Variants in MEIKIN observed in about 807,000 individuals in gnomAD.
MEIKIN encodes meiosis-specific kinetochore protein.
chr5:131,865,522 A>C lies in MEIKIN; in HGVS notation c.775-10688T>G, dbSNP rs557025529. 6.0e-4 allele frequency among the ~76,000 whole-genome samples: 92 copies of C among 152,208 alleles called. 1 individual carries two copies. The highest frequency in any genetic ancestry group is 2.1e-3 in the African/African-American group (86 of 41,522). On this transcript the variant is annotated intron_variant, in intron 9 of 12. Transcript: ENST00000442687. ...GCATGAGCCACTGCACCCGGCCATG[A>C]ATTTCTTTTGTATTAGGATCTGTTG...
At chr5:131,904,090 T>C (rs1262628841) in intron 8 of MEIKIN, among the ~76,000 whole-genome samples, 1 of 151,978 alleles carries the variant, frequency 6.6e-6, no homozygotes, top group Admixed American at 6.6e-5. Context: ...AAGAAGGGCA[T>C]TATGGGGCTC....
In MEIKIN at chr5:131,938,287, A is replaced by G. The variant is rs1337493986; in HGVS notation, c.349+4348T>C. ...GTTCAAGCAATTCTCCTGCCTCAAA[A>G]ATTCCGAGTAGCTGAGATTAGAGGT... is the stretch of plus-strand genomic sequence containing the variant. On this transcript the variant is annotated intron_variant, in intron 4 of 12. Coordinates refer to ENST00000442687, the MANE Select transcript of MEIKIN (RefSeq NM_001303622.2). Among the ~76,000 whole-genome samples the G allele has an allele frequency of 2.0e-5, 3 of 151,324 alleles. No individual in the cohort carries two copies. The East Asian group carries it at 5.8e-4, about 29-fold the overall frequency.
At position 131,924,716 on chromosome 5, in the gene MEIKIN, C is replaced by T. The variant is rs374434067; in HGVS notation, c.479-2775G>A. Among the ~76,000 whole-genome samples, 49 of 152,116 alleles carry T rather than the reference C, an allele frequency of 3.2e-4. 1 individual carries two copies. The highest frequency in any genetic ancestry group is 7.7e-4 in the East Asian group (4 of 5,192). On this transcript the variant is annotated intron_variant, in intron 5 of 12. Transcript: ENST00000442687. ...GCTATTCAGTTATAAGAGTTCCTTACGCATTTTAATTATTTACTCCTTTAT... is the reference window on the plus strand; with the variant it reads ...GCTATTCAGTTATAAGAGTTCCTTATGCATTTTAATTATTTACTCCTTTAT...
chr5:131,824,494 T>A lies in MEIKIN; in HGVS notation c.976-5631A>T, dbSNP rs13174385. 2.0e-3 allele frequency among the ~76,000 whole-genome samples: 299 copies of A among 151,600 alleles called. 3 individuals are homozygous for A. Among genetic ancestry groups the A allele is most frequent in the Non-Finnish European group, 3.4e-3 (229 of 67,802 alleles). ...ATAATCCCACTGCTACACTCCAGCC[T>A]AAGTAACAGAGAGAGACATCCTGTC... On this transcript the variant is annotated intron_variant, in intron 11 of 12. Transcript: ENST00000442687.
At chr5:131,930,608 T>C (rs539036934) in intron 5 of MEIKIN, among the ~76,000 whole-genome samples, 3 of 152,294 alleles carry the variant, frequency 2.0e-5, no homozygotes, top group African/African-American at 7.2e-5. Flanking sequence ...GCTGTTATAT[T>C]GCTCTACTGA....
At chr5:131,870,641 C>T (rs1750473296) in intron 9 of MEIKIN, among the ~76,000 whole-genome samples, 1 of 152,166 alleles carries the variant, frequency 6.6e-6, no homozygotes, top group African/African-American at 2.4e-5. Flanking sequence ...CATCTTTATC[C>T]ACTAAAGATG....
intron 8 of MEIKIN, among the ~76,000 whole-genome samples, chr5:131,884,081 C>T (rs1750737793): frequency 6.8e-6 from 1 of 147,938 alleles, no homozygotes; most frequent in Non-Finnish European, 1.5e-5. Flanking sequence ...ACTTGAAAGT[C>T]TAGGCTACAA....
chr5:131,893,927 T>C (rs1393171022), intron 8 of MEIKIN, among the ~76,000 whole-genome samples: 7 of 152,194 alleles, frequency 4.6e-5, no homozygotes, highest in Admixed American at 3.3e-4. Flanking sequence ...TCTATTTTTG[T>C]TTTTGTTGCC....
chr5:131,914,736 AAGAT>A (rs1303082664), intron 7 of MEIKIN, among the ~76,000 whole-genome samples: 1 of 152,114 alleles, frequency 6.6e-6, no homozygotes, highest in African/African-American at 2.4e-5. Flanking sequence ...GAAGTTAACA[AAGAT>A]AGATCTCTCC....
intron 8 of MEIKIN, among the ~76,000 whole-genome samples, chr5:131,879,269 T>TA (rs1284377074): frequency 6.6e-6 from 1 of 152,178 alleles, no homozygotes; most frequent in African/African-American, 2.4e-5. Flanking sequence ...CAGAAGCAAA[T>TA]AAAAAATATG....
intron 12 of MEIKIN, among the ~76,000 whole-genome samples, chr5:131,816,807 T>G (rs139617754): frequency 6.6e-6 from 1 of 152,150 alleles, no homozygotes; most frequent in Non-Finnish European, 1.5e-5. Context: ...CTTCATAACC[T>G]AAGGAATATG....
chr5:131,923,538 T>A (rs1751541310), intron 5 of MEIKIN, among the ~76,000 whole-genome samples: 1 of 151,794 alleles, frequency 6.6e-6, no homozygotes. Context: ...CCTCCTTTTT[T>A]TCTTATGATT....
chr5:131,861,956 T>C (rs1750292580), intron 9 of MEIKIN, among the ~76,000 whole-genome samples: 1 of 152,214 alleles, frequency 6.6e-6, no homozygotes, highest in African/African-American at 2.4e-5. Context: ...AGGGTAATGT[T>C]AGCCGCAAAG....
At position 131,945,171 on chromosome 5, in the gene MEIKIN, C is replaced by A; in HGVS notation, c.185G>T (p.Gly62Val). The A allele has an allele frequency of 5.0e-6, 2 of 399,080 alleles. No homozygotes were observed. The highest frequency in any genetic ancestry group is 4.4e-6 in the Non-Finnish European group (1 of 226,160). The allele number at this position is 399,080 out of a possible 1,614,324, so 24.7% of individuals were successfully genotyped here. A position where few individuals can be genotyped will look rare whatever the true frequency, so the allele number is the denominator to read the frequency against. Reference protein sequence around the residue: ...KAERSRQGGSGSGPFSPRLGV... With the variant: ...KAERSRQGGSVSGPFSPRLGV... ...GGCTACATACCTGAACGGCCCAGAG[C>A]CGCTACCTCCCTGCCTGCTCCGCTC... Residue 62 changes from glycine (G) to valine (V), a missense_variant, in exon 2 of 13, where the codon GGC (glycine) becomes GTC (valine). By Grantham distance (109) the Gly-to-Val change is moderately radical (BLOSUM62 -3). Coordinates refer to ENST00000442687, the MANE Select transcript of MEIKIN (RefSeq NM_001303622.2).
intron 12 of MEIKIN, among the ~76,000 whole-genome samples, chr5:131,808,616 C>A (rs567068059): frequency 6.6e-6 from 1 of 152,172 alleles, no homozygotes; most frequent in African/African-American, 2.4e-5. Flanking sequence ...TTATAAGTTC[C>A]TCTGGTGGCC....
chr5:131,886,555 C>A (rs1750799671), intron 8 of MEIKIN, among the ~76,000 whole-genome samples: 1 of 152,134 alleles, frequency 6.6e-6, no homozygotes, highest in Non-Finnish European at 1.5e-5. Context: ...GTATATCAGG[C>A]AAAAATATCC....
intron 11 of MEIKIN, among the ~76,000 whole-genome samples, chr5:131,833,943 C>A (rs1320748575): frequency 1.3e-5 from 2 of 152,180 alleles, no homozygotes; most frequent in African/African-American, 2.4e-5. Context: ...ATAATAAAAA[C>A]TCCAAAAATT....
At chr5:131,857,661 T>C (rs189475693) in intron 9 of MEIKIN, among the ~76,000 whole-genome samples, 62 of 152,306 alleles carry the variant, frequency 4.1e-4, no homozygotes, top group Non-Finnish European at 7.9e-4. Context: ...CCAGCCACCA[T>C]GGATGCGCAC....
At chr5:131,871,238 T>C (rs886984197) in intron 9 of MEIKIN, among the ~76,000 whole-genome samples, 3 of 152,200 alleles carry the variant, frequency 2.0e-5, no homozygotes, top group Non-Finnish European at 4.4e-5. Context: ...GTCAGGGAAT[T>C]CCCTTTCCTA....
Sources: allele counts gnomAD v4.1 joint callset (sites outside exome capture counted in the v4.1 genomes callset), GRCh38; gene constraint gnomAD v4.1.1; transcripts MANE v1.5; gene names NCBI Gene and HGNC (gene_info 2026-07-23, HGNC 2026-07-21).